Variants in ADAMTSL3 observed in about 807,000 individuals in gnomAD.
The protein encoded by ADAMTSL3 is ADAMTS like 3, also known as ADAMTS-like protein 3.
In ADAMTSL3, 128 loss-of-function variants were observed where a neutral mutation model predicts 201.7. The ratio of observed to expected loss-of-function variants is 0.63; its 90% CI spans 0.55 to 0.73. ADAMTSL3 has a LOEUF of 0.73. Ranked by LOEUF, ADAMTSL3 falls within the 30% of genes least tolerant of loss-of-function variation. The pLI is 0.00. For synonymous variants in ADAMTSL3, 738 were observed against 748.4 expected (o/e 0.99, Z 0.23); for missense variants, 1,990 against 2,119.6 (o/e 0.94, Z 1.20).
intron 10 of ADAMTSL3, 46 bp from the exon 11 acceptor site, chr15:83,890,063 A>T: frequency 6.4e-7 from 1 of 1,570,434 alleles, no homozygotes; most frequent in Non-Finnish European, 8.6e-7. Context: ...GCCAAGTAAA[A>T]ATGAAACGGA....
At chr15:83,822,333 G>T in intron 6 of ADAMTSL3, among the ~76,000 whole-genome samples, 1 of 148,672 alleles carries the variant, frequency 6.7e-6, no homozygotes, top group Non-Finnish European at 1.5e-5. Flanking sequence ...CGGCTGCCGG[G>T]CGGAGGGGCT....
intron 3 of ADAMTSL3, among the ~76,000 whole-genome samples, chr15:83,720,832 C>T (rs1032967895): frequency 6.6e-6 from 1 of 152,146 alleles, no homozygotes; most frequent in African/African-American, 2.4e-5. Context: ...TAAATGTCCC[C>T]AATTCAACTC....
intron 4 of ADAMTSL3, among the ~76,000 whole-genome samples, chr15:83,793,459 G>GTGGTGT (rs375462443): frequency 2.7e-5 from 4 of 150,650 alleles, no homozygotes; most frequent in Middle Eastern, 3.4e-3. Flanking sequence ...ATCTGTTGGT[G>GTGGTGT]TGTTGTTGTT....
chr15:83,774,641 T>C (rs759006367), intron 4 of ADAMTSL3, among the ~76,000 whole-genome samples: 4 of 152,186 alleles, frequency 2.6e-5, no homozygotes, highest in African/African-American at 9.7e-5. Context: ...CAGTAAAGCA[T>C]TGGAGAACTA....
Position 84,031,378 on chromosome 15 carries a change from G to T in ADAMTSL3, c.4700G>T (p.Arg1567Leu). Residue 1567 changes from arginine (R) to leucine (L), a missense_variant, in exon 28 of 30, where the codon CGT becomes CTT. By Grantham distance (102) the Arg-to-Leu change is moderately radical. Transcript: ENST00000286744. Reference sequence around the variant, plus strand: ...GGCCGTGCTGTGAGGATGCAGCAGCGTCACACAGCTTGTCAACACAACAGC... The same window carrying T: ...GGCCGTGCTGTGAGGATGCAGCAGCTTCACACAGCTTGTCAACACAACAGC... ...CMGRAVRMQQ[R>L]HTACQHNSSD... 1 of 1,614,020 alleles carries T rather than the reference G, an allele frequency of 6.2e-7. No homozygotes were observed.
At chr15:83,788,241 CT>C (rs1348311050) in intron 4 of ADAMTSL3, among the ~76,000 whole-genome samples, 9 of 152,092 alleles carry the variant, frequency 5.9e-5, no homozygotes, top group Admixed American at 5.9e-4. Context: ...CTTTTAGACC[CT>C]TCTTCTGGAG....
intron 16 of ADAMTSL3, among the ~76,000 whole-genome samples, chr15:83,919,260 G>T (rs903241239): frequency 2.0e-5 from 3 of 152,156 alleles, no homozygotes; most frequent in Non-Finnish European, 4.4e-5. Flanking sequence ...GAATACCTAT[G>T]AGGAGTGCAG....
At chr15:83,906,891 T>C (rs1453664886) in intron 15 of ADAMTSL3, among the ~76,000 whole-genome samples, 2 of 152,076 alleles carry the variant, frequency 1.3e-5, no homozygotes, top group Non-Finnish European at 1.5e-5. Flanking sequence ...ACTTTTTACA[T>C]ATCTGAAGTC....
chr15:83,962,742 G>A (rs1429236445), intron 19 of ADAMTSL3, among the ~76,000 whole-genome samples: 1 of 152,166 alleles, frequency 6.6e-6, no homozygotes, highest in African/African-American at 2.4e-5. Context: ...GGCCAAATAG[G>A]AACAGCTCTG....
intron 3 of ADAMTSL3, among the ~76,000 whole-genome samples, chr15:83,761,142 G>A (rs906764249): frequency 2.0e-4 from 30 of 151,496 alleles, no homozygotes; most frequent in African/African-American, 6.8e-4. Context: ...GTTTTTTTTA[G>A]TGGTAACTCT....
chr15:83,855,674 G>A (rs117937211), intron 7 of ADAMTSL3, among the ~76,000 whole-genome samples: 38 of 152,316 alleles, frequency 2.5e-4, no homozygotes, highest in Non-Finnish European at 4.3e-4. Flanking sequence ...AAAGCTCACT[G>A]TTCTTACTGA....
At chr15:83,908,900 A>G (rs984879916) in intron 15 of ADAMTSL3, among the ~76,000 whole-genome samples, 2 of 152,220 alleles carry the variant, frequency 1.3e-5, no homozygotes, top group Non-Finnish European at 2.9e-5. Flanking sequence ...CTTCTTTGGC[A>G]AGAGTCTGCT....
intron 3 of ADAMTSL3, among the ~76,000 whole-genome samples, chr15:83,737,861 T>C (rs2062392524): frequency 6.6e-6 from 1 of 152,230 alleles, no homozygotes; most frequent in Non-Finnish European, 1.5e-5. Context: ...TATCCTCTTT[T>C]GTTTATGACA....
At chr15:83,738,051 A>G (rs915072878) in intron 3 of ADAMTSL3, among the ~76,000 whole-genome samples, 4 of 152,202 alleles carry the variant, frequency 2.6e-5, no homozygotes, top group Non-Finnish European at 5.9e-5. Context: ...ATTACCCAAG[A>G]CTGTCTCCGA....
At chr15:83,967,995 A>G (rs186561808) in intron 19 of ADAMTSL3, among the ~76,000 whole-genome samples, 38 of 152,310 alleles carry the variant, frequency 2.5e-4, no homozygotes, top group African/African-American at 8.2e-4. Flanking sequence ...GAAAACTGAA[A>G]CTGGACCCCT....
rs549518801 is a variant in ADAMTSL3, at chr15:83,881,196, T to A, written c.961-3905T>A. On this transcript the variant is annotated intron_variant, in intron 9 of 29. Coordinates refer to ENST00000286744, the MANE Select transcript of ADAMTSL3 (RefSeq NM_207517.3). ...CCAGTGATCTTTATCCAACAAAGAA[T>A]TGAAATAACTTGAACCAGGGCTTTA... is the stretch of plus-strand genomic sequence containing the variant. Among the ~76,000 whole-genome samples, 93 of 152,378 alleles carry A rather than the reference T, an allele frequency of 6.1e-4. No individual in the cohort carries two copies. In the South Asian group the frequency reaches 0.018, roughly 29 times the overall value.
At chr15:83,902,483 G>C (rs1003089328) in intron 15 of ADAMTSL3, among the ~76,000 whole-genome samples, 3 of 152,098 alleles carry the variant, frequency 2.0e-5, no homozygotes, top group Non-Finnish European at 4.4e-5. Context: ...TGTTAGCCAG[G>C]ATGGTCTCGA....
intron 8 of ADAMTSL3, among the ~76,000 whole-genome samples, chr15:83,861,180 C>T (rs1323768977): frequency 6.6e-6 from 1 of 152,154 alleles, no homozygotes; most frequent in Non-Finnish European, 1.5e-5. Flanking sequence ...CCTAGGGGTG[C>T]CTGCCTGCCT....
intron 3 of ADAMTSL3, 85 bp from the exon 4 acceptor site, chr15:83,773,437 TG>T: frequency 6.9e-7 from 1 of 1,442,486 alleles, no homozygotes; most frequent in East Asian, 2.3e-5. Flanking sequence ...CTGGAATAAC[TG>T]GGGAAGATTT....
Sources: gnomAD v4.1 joint callset for allele counts (sites outside exome capture counted in the v4.1 genomes callset) on GRCh38, gnomAD v4.1.1 for gene constraint, MANE v1.5 for transcripts, NCBI Gene and HGNC (gene_info 2026-07-23, HGNC 2026-07-21) for gene names.